AGMO: variants seen among roughly 807,000 people sequenced by gnomAD.
AGMO encodes the protein glyceryl-ether monooxygenase.
Under a neutral mutation model 60.2 loss-of-function variants are expected in AGMO, and 75 were observed. The ratio of observed to expected loss-of-function variants is 1.25; its 90% CI spans 1.03 to 1.51. AGMO has a LOEUF of 1.51. AGMO is among the 40% of genes most tolerant of loss of function. The pLI is 0.00. For synonymous variants in AGMO, 261 were observed against 177.1 expected (o/e 1.47, Z -3.76); for missense variants, 763 against 525.5 (o/e 1.45, Z -4.42).
chr7:15,451,725 T>A (rs1278483094), intron 3 of AGMO, among the ~76,000 whole-genome samples: 1 of 152,098 alleles, frequency 6.6e-6, no homozygotes, highest in Non-Finnish European at 1.5e-5. Context: ...AGGAGTTTAA[T>A]TGAGTTATGA....
the AGMO span, among the ~76,000 whole-genome samples, chr7:15,186,064 A>T: frequency 6.6e-6 from 1 of 152,328 alleles, no homozygotes; most frequent in East Asian, 1.9e-4. Flanking sequence ...TTTGATAGGT[A>T]CATAAATATT....
intron 10 of AGMO, among the ~76,000 whole-genome samples, chr7:15,380,202 G>T (rs1168780668): frequency 3.3e-5 from 5 of 152,010 alleles, no homozygotes; most frequent in African/African-American, 9.7e-5. Context: ...GCAACAATAA[G>T]AAGAGAGGAG....
At chr7:15,447,612 A>C (rs1442095865) in intron 3 of AGMO, among the ~76,000 whole-genome samples, 1 of 151,938 alleles carries the variant, frequency 6.6e-6, no homozygotes, top group Non-Finnish European at 1.5e-5. Flanking sequence ...GTGCAGTGGC[A>C]CGATCTTGGC....
intron 12 of AGMO, among the ~76,000 whole-genome samples, chr7:15,288,816 T>C (rs1292238677): frequency 6.7e-6 from 1 of 149,370 alleles, no homozygotes; most frequent in Non-Finnish European, 1.5e-5. Context: ...AACATTAACA[T>C]CTTTTTAAAC....
chr7:15,132,130 G>T, the AGMO span, among the ~76,000 whole-genome samples: 1 of 152,068 alleles, frequency 6.6e-6, no homozygotes, highest in Non-Finnish European at 1.5e-5. Context: ...TGCAGCACTG[G>T]AATTATTACC....
chr7:15,496,509 C>A (rs747962185), intron 3 of AGMO, among the ~76,000 whole-genome samples: 7 of 151,028 alleles, frequency 4.6e-5, no homozygotes, highest in Admixed American at 2.0e-4. Context: ...TGTCACCTGG[C>A]ATTTTTTCGT....
At chr7:15,413,180 G>A (rs189000708) in intron 5 of AGMO, among the ~76,000 whole-genome samples, 3 of 152,256 alleles carry the variant, frequency 2.0e-5, no homozygotes, top group Non-Finnish European at 2.9e-5. Flanking sequence ...GAACATAAAT[G>A]TATAATATTT....
rs562568888 is a variant in AGMO at position 15,380,883 on chromosome 7, C to T, written c.1074+4563G>A. Among the ~76,000 whole-genome samples, 18 of 152,238 alleles carry T rather than the reference C, an allele frequency of 1.2e-4. No homozygotes were observed. In the South Asian group the frequency reaches 3.7e-3, roughly 32 times the overall value. ...AGAACTCAGAAATAACACTGCACAACTACAACTATCTCATCTTCAACAAAC... is the reference window on the plus strand; with the variant it reads ...AGAACTCAGAAATAACACTGCACAATTACAACTATCTCATCTTCAACAAAC... On this transcript the variant is annotated intron_variant, in intron 10 of 12. Transcript: ENST00000342526.
chr7:15,513,451 AT>A (rs1213065482), intron 3 of AGMO, among the ~76,000 whole-genome samples: 2 of 151,962 alleles, frequency 1.3e-5, no homozygotes, highest in Non-Finnish European at 2.9e-5. Flanking sequence ...TTTTCTTCAC[AT>A]TCTGGTGGGA....
intron 3 of AGMO, among the ~76,000 whole-genome samples, chr7:15,499,647 A>C (rs1318510453): frequency 6.6e-6 from 1 of 151,670 alleles, no homozygotes; most frequent in African/African-American, 2.4e-5. Flanking sequence ...AAAATCCATA[A>C]TGTCTTAGAT....
chr7:15,147,279 A>T, the AGMO span, among the ~76,000 whole-genome samples: 1 of 152,122 alleles, frequency 6.6e-6, no homozygotes, highest in Non-Finnish European at 1.5e-5. Flanking sequence ...CATATCCGAG[A>T]CTGGGTAATT....
At chr7:15,285,759 C>A (rs978630937) in intron 12 of AGMO, among the ~76,000 whole-genome samples, 1 of 151,976 alleles carries the variant, frequency 6.6e-6, no homozygotes, top group African/African-American at 2.4e-5. Flanking sequence ...ACCTTAATAG[C>A]TAAAGCAATC....
At chr7:15,184,291 AAGGGAGGCAGGC>A in the AGMO span, among the ~76,000 whole-genome samples, 2 of 72,100 alleles carry the variant, frequency 2.8e-5, 1 homozygote, top group Non-Finnish European at 6.6e-5. Flanking sequence ...GGAAGGAAGG[AAGGGAGGCAGGC>A]AGGGAGGGAG....
chr7:15,431,210 G>A, intron 3 of AGMO, 102 bp from the exon 4 acceptor site: 1 of 755,746 alleles, frequency 1.3e-6, no homozygotes, highest in Non-Finnish European at 2.2e-6. Flanking sequence ...GAAAAATCTG[G>A]AACATCTCTG....
intron 12 of AGMO, among the ~76,000 whole-genome samples, chr7:15,308,931 T>C (rs557142336): frequency 4.6e-5 from 7 of 152,288 alleles, no homozygotes; most frequent in African/African-American, 1.7e-4. Flanking sequence ...TCCAGACTTG[T>C]GGTTGGTCAA....
the AGMO span, among the ~76,000 whole-genome samples, chr7:15,171,062 G>C: frequency 6.6e-6 from 1 of 151,960 alleles, no homozygotes; most frequent in East Asian, 1.9e-4. Flanking sequence ...TGAAAGCTCC[G>C]TCTCCCAGGA....
the AGMO span, among the ~76,000 whole-genome samples, chr7:15,170,010 T>C: frequency 6.6e-6 from 1 of 152,206 alleles, no homozygotes; most frequent in Non-Finnish European, 1.5e-5. Context: ...CTGTGACTAG[T>C]TAGGGATGGG....
intron 12 of AGMO, among the ~76,000 whole-genome samples, chr7:15,271,305 G>A (rs892755147): frequency 6.6e-5 from 10 of 152,068 alleles, no homozygotes; most frequent in African/African-American, 2.4e-4. Context: ...CATCATATGG[G>A]ATATTTTTCC....
At chr7:15,540,680 T>C (rs1784602178) in intron 3 of AGMO, among the ~76,000 whole-genome samples, 1 of 152,212 alleles carries the variant, frequency 6.6e-6, no homozygotes, top group African/African-American at 2.4e-5. Context: ...TTGACACTGA[T>C]ACAGTTAAAA....
Sources: allele counts gnomAD v4.1 joint callset (sites outside exome capture counted in the v4.1 genomes callset), GRCh38; gene constraint gnomAD v4.1.1; transcripts MANE v1.5; gene names NCBI Gene and HGNC (gene_info 2026-07-23, HGNC 2026-07-21).